Variants in SLC39A11 observed in about 807,000 individuals in gnomAD.
SLC39A11 encodes zinc transporter ZIP11.
A neutral mutation model predicts 36.1 loss-of-function variants in SLC39A11; 33 were observed. That is an observed-to-expected ratio of 0.91 (90% CI 0.69 to 1.22). The LOEUF is 1.22. Among genes scored for constraint, SLC39A11 ranks in the 50% most tolerant of loss-of-function variants. SLC39A11 has a pLI of 0.00. For missense variants in SLC39A11, 432 were observed against 430.3 expected, an observed-to-expected ratio of 1.00 and a Z score of -0.03; for synonymous variants, 166 against 170.3, an observed-to-expected ratio of 0.97 and a Z score of 0.20.
At chr17:72,746,874 C>G (rs2074958837) in intron 6 of SLC39A11, among the ~76,000 whole-genome samples, 1 of 152,062 alleles carries the variant, frequency 6.6e-6, no homozygotes, top group Admixed American at 6.5e-5. Flanking sequence ...TAGTGAGACC[C>G]TGTCTCTACC....
chr17:72,773,581 A>G (rs1354098459), intron 6 of SLC39A11, among the ~76,000 whole-genome samples: 7 of 151,748 alleles, frequency 4.6e-5, no homozygotes, highest in Non-Finnish European at 8.8e-5. Context: ...TTTATGAATT[A>G]CCCAGTCTCA....
intron 4 of SLC39A11, among the ~76,000 whole-genome samples, chr17:72,953,098 C>G (rs2085984126): frequency 6.6e-6 from 1 of 152,160 alleles, no homozygotes; most frequent in Non-Finnish European, 1.5e-5. Context: ...CAGCTCAGTA[C>G]AGAAAGCAGG....
At chr17:72,663,852 C>T (rs1343303811) in intron 7 of SLC39A11, 1 of 152,256 alleles carries the variant, frequency 6.6e-6, no homozygotes. Flanking sequence ...ATTTAGTTCC[C>T]CAGCTCTCAA....
At chr17:72,758,875 T>C (rs1248072639) in intron 6 of SLC39A11, among the ~76,000 whole-genome samples, 1 of 152,134 alleles carries the variant, frequency 6.6e-6, no homozygotes, top group Non-Finnish European at 1.5e-5. Flanking sequence ...AGATGACCCA[T>C]GGATGACAGC....
At chr17:72,802,590 C>CAA (rs56050103) in intron 6 of SLC39A11, among the ~76,000 whole-genome samples, 3,589 of 112,652 alleles carry the variant, frequency 0.032, 163 homozygotes, top group African/African-American at 0.13. Context: ...AACTCCATCT[C>CAA]AAAAAAAAAA....
chr17:72,916,184 C>T (rs1480887506), intron 5 of SLC39A11, among the ~76,000 whole-genome samples: 1 of 150,920 alleles, frequency 6.6e-6, no homozygotes, highest in Non-Finnish European at 1.5e-5. Flanking sequence ...GCCCTCACAG[C>T]AGTGAAATGC....
chr17:72,889,773 G>T (rs2081630576), intron 5 of SLC39A11, among the ~76,000 whole-genome samples: 1 of 152,122 alleles, frequency 6.6e-6, no homozygotes, highest in Non-Finnish European at 1.5e-5. Flanking sequence ...GAGCCACAAA[G>T]ACTCACTTGC....
At chr17:72,732,035 CTTTTCTTTT>C (rs1237109866) in intron 7 of SLC39A11, among the ~76,000 whole-genome samples, 2 of 43,306 alleles carry the variant, frequency 4.6e-5, no homozygotes, top group African/African-American at 1.5e-4. Flanking sequence ...TTTTTCTTTT[CTTTTCTTTT>C]TTTTTTTTTT....
At chr17:72,724,359 G>C (rs548828711) in intron 7 of SLC39A11, among the ~76,000 whole-genome samples, 4 of 152,178 alleles carry the variant, frequency 2.6e-5, no homozygotes, top group South Asian at 2.1e-4. Context: ...TTTTCCAAAA[G>C]CTTGCTCAAA....
intron 1 of SLC39A11, chr17:73,089,877 A>G (rs2060868402): frequency 6.6e-6 from 1 of 152,146 alleles, no homozygotes; most frequent in Non-Finnish European, 1.5e-5. Context: ...CCTCCTCCAG[A>G]CTTTAACATG....
intron 7 of SLC39A11, among the ~76,000 whole-genome samples, chr17:72,684,144 CGAT>C (rs2071633449): frequency 6.6e-6 from 1 of 152,144 alleles, no homozygotes; most frequent in Admixed American, 6.5e-5. Flanking sequence ...TAGCAGTTTA[CGAT>C]GATTATCCGT....
In SLC39A11 at chr17:73,051,697, A is replaced by C. The variant is rs530305363; in HGVS notation, c.148-19983T>G. The stretch of plus-strand genomic sequence containing the variant: ...ACATGGTGAAACCCTGTGTCTACAA[A>C]AAATACAAAAATTAGCCAGGTGTGG... On this transcript the variant is annotated intron_variant, in intron 3 of 9. Coordinates refer to ENST00000255559, the MANE Select transcript of SLC39A11 (RefSeq NM_139177.4). 1.9e-3 allele frequency among the ~76,000 whole-genome samples: 284 copies of C among 149,036 alleles called. 2 individuals are homozygous for C. The highest frequency in any genetic ancestry group is 6.7e-3 in the African/African-American group (268 of 40,292).
chr17:72,792,048 T>C (rs1196609296), intron 6 of SLC39A11, among the ~76,000 whole-genome samples: 1 of 152,222 alleles, frequency 6.6e-6, no homozygotes, highest in African/African-American at 2.4e-5. Context: ...TAGGTCATTT[T>C]CACAAGTTGT....
At chr17:72,648,567 G>A (rs1413888934) in intron 9 of SLC39A11, among the ~76,000 whole-genome samples, 4 of 152,080 alleles carry the variant, frequency 2.6e-5, no homozygotes, top group South Asian at 2.1e-4. Context: ...GGGACGGGGG[G>A]CAGGTGTGTA....
At chr17:72,819,098 G>A (rs78862165) in intron 6 of SLC39A11, 5 of 140,748 alleles carry the variant, frequency 3.6e-5, no homozygotes, top group South Asian at 2.2e-4. Context: ...GTCCCAACTC[G>A]CAATAACTCA....
At chr17:73,011,385 A>G (rs1435506596) in intron 4 of SLC39A11, among the ~76,000 whole-genome samples, 2 of 152,138 alleles carry the variant, frequency 1.3e-5, no homozygotes, top group African/African-American at 4.8e-5. Flanking sequence ...ACTCTATGAA[A>G]ACAGAACTGC....
chr17:72,660,382 C>T (rs568986244), intron 7 of SLC39A11, among the ~76,000 whole-genome samples: 1 of 152,326 alleles, frequency 6.6e-6, no homozygotes, highest in Admixed American at 6.5e-5. Flanking sequence ...AACAACATGC[C>T]TTGCCCCTCA....
chr17:72,801,519 G>A (rs146465822), intron 6 of SLC39A11, among the ~76,000 whole-genome samples: 239 of 152,304 alleles, frequency 1.6e-3, no homozygotes, highest in African/African-American at 5.1e-3. Flanking sequence ...GAGCCACTGC[G>A]CCCAGCCGGG....
At chr17:72,848,290 C>G (rs1285402984) in intron 6 of SLC39A11, among the ~76,000 whole-genome samples, 1 of 152,298 alleles carries the variant, frequency 6.6e-6, no homozygotes, top group East Asian at 1.9e-4. Context: ...CTCAGGTTCC[C>G]TCAGTTTATT....
Sources: allele counts gnomAD v4.1 joint callset (sites outside exome capture counted in the v4.1 genomes callset), GRCh38; gene constraint gnomAD v4.1.1; transcripts MANE v1.5; gene names NCBI Gene and HGNC (gene_info 2026-07-23, HGNC 2026-07-21).